Variants in DPEP1 observed in about 807,000 individuals in gnomAD.
The protein encoded by DPEP1 is beta-lactamase.
In DPEP1, 50 loss-of-function variants were observed where a neutral mutation model predicts 42.3. The ratio of observed to expected loss-of-function variants is 1.18; its 90% CI spans 0.94 to 1.50. The LOEUF is 1.50. Among genes scored for constraint, DPEP1 ranks in the 40% most tolerant of loss-of-function variants. The probability of loss-of-function intolerance (pLI) is 0.00; values close to 1 mark genes in which losing one functional copy is unlikely to be tolerated. For synonymous variants in DPEP1, 297 were observed against 234.0 expected, an observed-to-expected ratio of 1.27 and a Z score of -2.46; for missense variants, 663 against 553.0, an observed-to-expected ratio of 1.20 and a Z score of -1.99.
chr16:89,621,584 G>C (rs930006306), intron 1 of DPEP1, among the ~76,000 whole-genome samples: 1 of 152,190 alleles, frequency 6.6e-6, no homozygotes, highest in African/African-American at 2.4e-5. Context: ...CCTTCTCAAG[G>C]CTTATTTGGG....
chr16:89,627,961 C>T (rs911026505), intron 1 of DPEP1, among the ~76,000 whole-genome samples: 14 of 152,120 alleles, frequency 9.2e-5, no homozygotes, highest in African/African-American at 3.1e-4. Context: ...CTCGCTCTTT[C>T]GCCCAGGCGG....
chr16:89,617,892 C>T (rs994633096), intron 1 of DPEP1, among the ~76,000 whole-genome samples: 1 of 152,076 alleles, frequency 6.6e-6, no homozygotes, highest in African/African-American at 2.4e-5. Context: ...TGTGTGGTGG[C>T]ATGCACCTGT....
downstream of DPEP1, chr16:89,638,494 C>T (rs903427415): frequency 3.9e-5 from 49 of 1,267,078 alleles, no homozygotes; most frequent in African/African-American, 4.6e-5. Context: ...GAAAATGGCT[C>T]CTGGTTGGAC....
At chr16:89,634,754 CCCTT>C (rs2059643604) in intron 2 of DPEP1, among the ~76,000 whole-genome samples, 1 of 80,294 alleles carries the variant, frequency 1.2e-5, no homozygotes, top group African/African-American at 4.7e-5. Flanking sequence ...CTTCTCCTTT[CCCTT>C]CCTTCTCCTT....
intron 2 of DPEP1, among the ~76,000 whole-genome samples, chr16:89,633,435 G>C (rs893243296): frequency 1.3e-5 from 2 of 152,246 alleles, no homozygotes; most frequent in African/African-American, 2.4e-5. Context: ...GGTCAGGAAC[G>C]ACTGGGACCC....
At chr16:89,614,660 T>G (rs1053968967) in intron 1 of DPEP1, among the ~76,000 whole-genome samples, 2 of 152,068 alleles carry the variant, frequency 1.3e-5, no homozygotes, top group African/African-American at 4.8e-5. Flanking sequence ...CCGGGCGTGG[T>G]GGCGGGCGCC....
At chr16:89,615,520 G>T (rs2059372493) in intron 1 of DPEP1, among the ~76,000 whole-genome samples, 1 of 152,228 alleles carries the variant, frequency 6.6e-6, no homozygotes, top group African/African-American at 2.4e-5. Context: ...TGCTCTCAGG[G>T]GTGAGGGCGT....
At chr16:89,628,144 G>T (rs1475731111) in intron 1 of DPEP1, among the ~76,000 whole-genome samples, 1 of 151,850 alleles carries the variant, frequency 6.6e-6, no homozygotes, top group Admixed American at 6.6e-5. Flanking sequence ...GGATGGTCTC[G>T]ATCTCCTGAC....
intron 1 of DPEP1, among the ~76,000 whole-genome samples, chr16:89,617,624 G>T: frequency 6.6e-6 from 1 of 152,044 alleles, no homozygotes; most frequent in South Asian, 2.1e-4. Flanking sequence ...GGGCGCGGCG[G>T]CTCACACCTG....
intron 1 of DPEP1, among the ~76,000 whole-genome samples, chr16:89,618,703 G>A (rs185238732): frequency 2.1e-3 from 314 of 152,030 alleles, no homozygotes; most frequent in Middle Eastern, 3.4e-3. Context: ...TCCTTGTGTT[G>A]CCCCGGCTGG....
intron 1 of DPEP1, among the ~76,000 whole-genome samples, chr16:89,627,353 A>C (rs453528): frequency 0.4 from 60,660 of 150,120 alleles, 13,338 homozygotes; most frequent in Middle Eastern, 0.64. Flanking sequence ...GAGGCCGAGG[A>C]GGGCACATTA....
At position 89,627,137 on chromosome 16, in the gene DPEP1, G is replaced by A. The variant is rs138965841; in HGVS notation, c.-106-3168G>A. Among the ~76,000 whole-genome samples, 301 of 152,140 alleles carry A rather than the reference G, an allele frequency of 2.0e-3. 2 individuals carry two copies. The highest frequency in any genetic ancestry group is 6.3e-3 in the African/African-American group (262 of 41,508). On this transcript the variant is annotated intron_variant, in intron 1 of 10. Coordinates refer to ENST00000690203, the MANE Select transcript of DPEP1 (RefSeq NM_001389466.1). ...AAAAGAAAAAAATTAGCCGGGCGTGGTGGCGGGCGCCTGTAGTCCCAGCTT... is the reference window on the plus strand; with the variant it reads ...AAAAGAAAAAAATTAGCCGGGCGTGATGGCGGGCGCCTGTAGTCCCAGCTT...
chr16:89,624,688 C>T (rs1039156806), intron 1 of DPEP1, among the ~76,000 whole-genome samples: 1 of 152,080 alleles, frequency 6.6e-6, no homozygotes, highest in Non-Finnish European at 1.5e-5. Flanking sequence ...GCGCCCGCAA[C>T]CACGCCCGGC....
At position 89,638,131 on chromosome 16, in the gene DPEP1, G is replaced by C; in HGVS notation, c.1145G>C (p.Gly382Ala). 1.2e-6 allele frequency: 2 copies of C among 1,612,126 alleles called. No individual in the cohort carries two copies. The highest frequency in any genetic ancestry group is 1.7e-6 in the Non-Finnish European group (2 of 1,179,686). ...GGTGGCTCCTGCAGGACCCATTACG[G>C]CTACTCCTCTGGGGCTTCCAGCCTC... Reference protein sequence around the residue: ...QLGGSCRTHYGYSSGASSLHR... With the variant: ...QLGGSCRTHYAYSSGASSLHR... Residue 382 changes from glycine (G) to alanine (A), a missense_variant, in exon 11 of 11, where the codon GGC (glycine) becomes GCC (alanine). Physicochemically the swap from Gly to Ala is moderately conservative, Grantham distance 60 (BLOSUM62 0). Transcript: ENST00000690203.
chr16:89,627,047 G>A (rs1050552391), intron 1 of DPEP1, among the ~76,000 whole-genome samples: 1 of 147,174 alleles, frequency 6.8e-6, no homozygotes, highest in African/African-American at 2.5e-5. Flanking sequence ...GGATCACGAG[G>A]TCAGGAGATC....
chr16:89,637,401 C>T, intron 7 of DPEP1, 21 bp downstream of exon 7: 2 of 1,612,388 alleles, frequency 1.2e-6, no homozygotes, highest in Non-Finnish European at 1.7e-6. Flanking sequence ...AGGGGGCGAC[C>T]TCCACCCCGC....
chr16:89,632,889 C>G (rs1204054014), intron 2 of DPEP1, among the ~76,000 whole-genome samples: 1 of 152,034 alleles, frequency 6.6e-6, no homozygotes, highest in African/African-American at 2.4e-5. Context: ...GCACCCCTGC[C>G]CTCCAGCCTG....
chr16:89,624,464 G>T (rs2059482161), intron 1 of DPEP1, among the ~76,000 whole-genome samples: 1 of 152,132 alleles, frequency 6.6e-6, no homozygotes, highest in Admixed American at 6.6e-5. Context: ...AGCAGCGAAA[G>T]CAGGGATTTA....
chr16:89,616,668 G>A (rs997572150), intron 1 of DPEP1, among the ~76,000 whole-genome samples: 3 of 152,158 alleles, frequency 2.0e-5, no homozygotes, highest in East Asian at 1.9e-4. Flanking sequence ...AGCGCAGATT[G>A]GGACGGCTGG....
Sources: allele counts gnomAD v4.1 joint callset (sites outside exome capture counted in the v4.1 genomes callset), GRCh38; gene constraint gnomAD v4.1.1; transcripts MANE v1.5; gene names NCBI Gene and HGNC (gene_info 2026-07-23, HGNC 2026-07-21).